The following FBXO4 variants were observed in gnomAD, a reference collection of about 807,000 sequenced individuals.
FBXO4 encodes F-box only protein 4.
A neutral mutation model predicts 43.7 loss-of-function variants in FBXO4; 36 were observed. The ratio of observed to expected loss-of-function variants is 0.82; its 90% CI spans 0.63 to 1.09. The LOEUF is 1.09. Among genes scored for constraint, FBXO4 ranks in the 50% least tolerant of loss-of-function variants. The probability of loss-of-function intolerance (pLI) is 0.00; values close to 1 mark genes in which losing one functional copy is unlikely to be tolerated. For missense variants in FBXO4, 435 were observed against 474.1 expected, an observed-to-expected ratio of 0.92 and a Z score of 0.77; for synonymous variants, 180 against 165.6, an observed-to-expected ratio of 1.09 and a Z score of -0.67.
At chr5:41,935,282 A>G (rs1751820151) in intron 5 of FBXO4, among the ~76,000 whole-genome samples, 1 of 152,194 alleles carries the variant, frequency 6.6e-6, no homozygotes, top group Non-Finnish European at 1.5e-5. Context: ...GCTTTTTCCC[A>G]CTGGCCTCTA....
chr5:42,003,416 G>A, the FBXO4 span, among the ~76,000 whole-genome samples: 1 of 152,170 alleles, frequency 6.6e-6, no homozygotes, highest in Non-Finnish European at 1.5e-5. Context: ...TTTCAGAAGA[G>A]GAATTGAATG....
In FBXO4 at chr5:41,925,433, A is replaced by G; in HGVS notation, c.124A>G (p.Arg42Gly). The G allele has an allele frequency of 7.3e-7, 1 of 1,372,484 alleles. No individual in the cohort carries two copies. Among genetic ancestry groups the G allele is most frequent in the South Asian group, 1.7e-5 (1 of 58,392 alleles). 85.0% of individuals were successfully genotyped at this position (1,372,484 alleles called of 1,614,324 possible). A position where few individuals can be genotyped will look rare whatever the true frequency, so the allele number is the denominator to read the frequency against. Reference sequence around the variant, plus strand: ...CTTCTGGCAGTCAGTGAGCAAGGAGAGGGTGGCGCGTACGACCTCACGGGA... The same window carrying G: ...CTTCTGGCAGTCAGTGAGCAAGGAGGGGGTGGCGCGTACGACCTCACGGGA... The part of the protein sequence containing the change: ...KTFWQSVSKE[R>G]VARTTSREEV... Residue 42 changes from arginine (R) to glycine (G), a missense_variant, in exon 1 of 7, where the codon AGG becomes GGG. Transcript: ENST00000281623.
At chr5:42,006,091 G>C in the FBXO4 span, among the ~76,000 whole-genome samples, 5 of 152,012 alleles carry the variant, frequency 3.3e-5, no homozygotes, top group African/African-American at 1.2e-4. Context: ...TATTTTTGAG[G>C]TGCACAGATA....
the FBXO4 span, among the ~76,000 whole-genome samples, chr5:42,025,155 T>A: frequency 1.3e-5 from 2 of 152,044 alleles, no homozygotes; most frequent in Admixed American, 6.6e-5. Flanking sequence ...GTGGTTGTAC[T>A]AATTTACATT....
At chr5:41,930,024 A>G (rs1040785147) in intron 3 of FBXO4, 107 bp downstream of exon 3, 1 of 940,112 alleles carries the variant, frequency 1.1e-6, no homozygotes, top group Non-Finnish European at 1.6e-6. Context: ...AATGAAGTAC[A>G]GTACTTTGGT....
chr5:42,029,637 T>C, the FBXO4 span, among the ~76,000 whole-genome samples: 2 of 151,940 alleles, frequency 1.3e-5, no homozygotes, highest in Non-Finnish European at 2.9e-5. Context: ...TTTTATTTAT[T>C]TTTTTATTTT....
the FBXO4 span, among the ~76,000 whole-genome samples, chr5:41,982,298 A>G: frequency 5.3e-5 from 8 of 152,094 alleles, no homozygotes; most frequent in African/African-American, 1.9e-4. Flanking sequence ...TGGTATTTCT[A>G]GTTCTAGATC....
the FBXO4 span, among the ~76,000 whole-genome samples, chr5:41,986,343 A>C: frequency 1.1e-4 from 17 of 152,090 alleles, no homozygotes; most frequent in African/African-American, 4.1e-4. Context: ...AGGAAAAAAA[A>C]CAAATCCAAG....
chr5:42,040,393 T>C, the FBXO4 span, among the ~76,000 whole-genome samples: 5 of 152,130 alleles, frequency 3.3e-5, no homozygotes, highest in Non-Finnish European at 4.4e-5. Flanking sequence ...ATGTATTTGT[T>C]CAACAAATGA....
chr5:42,001,924 T>G, the FBXO4 span, among the ~76,000 whole-genome samples: 1 of 152,158 alleles, frequency 6.6e-6, no homozygotes. Flanking sequence ...CTTGACCTCC[T>G]GACCTTGGGC....
the FBXO4 span, among the ~76,000 whole-genome samples, chr5:41,960,276 T>C: frequency 2.0e-5 from 3 of 152,102 alleles, no homozygotes; most frequent in Non-Finnish European, 4.4e-5. Flanking sequence ...TAGGGTTTTC[T>C]ATATATAATG....
chr5:41,996,362 C>T, the FBXO4 span, among the ~76,000 whole-genome samples: 1 of 152,128 alleles, frequency 6.6e-6, no homozygotes, highest in East Asian at 1.9e-4. Context: ...AGTAACAGGC[C>T]AAGAGCTGTC....
chr5:41,946,079 A>C (rs1752073160), downstream of FBXO4, among the ~76,000 whole-genome samples: 1 of 152,090 alleles, frequency 6.6e-6, no homozygotes, highest in Non-Finnish European at 1.5e-5. Flanking sequence ...TAACCTACCC[A>C]CGCCCTCACT....
chr5:41,931,463 C>T (rs961866427), intron 3 of FBXO4, among the ~76,000 whole-genome samples: 1 of 152,162 alleles, frequency 6.6e-6, no homozygotes, highest in Non-Finnish European at 1.5e-5. Context: ...AGAATGGCAG[C>T]TATTCTTTGG....
chr5:42,010,438 G>A, the FBXO4 span, among the ~76,000 whole-genome samples: 1 of 151,638 alleles, frequency 6.6e-6, no homozygotes, highest in Non-Finnish European at 1.5e-5. Context: ...AACCTGGGCA[G>A]CAGAGGTTGT....
At chr5:42,024,321 A>G in the FBXO4 span, among the ~76,000 whole-genome samples, 1 of 152,102 alleles carries the variant, frequency 6.6e-6, no homozygotes, top group Non-Finnish European at 1.5e-5. Context: ...ATAATGATAA[A>G]CACATTATAA....
At chr5:42,039,941 T>C in the FBXO4 span, among the ~76,000 whole-genome samples, 1 of 152,008 alleles carries the variant, frequency 6.6e-6, no homozygotes, top group African/African-American at 2.4e-5. Context: ...AGTTCCACAG[T>C]TGGGAGGAAA....
chr5:42,003,875 G>C, the FBXO4 span, among the ~76,000 whole-genome samples: 1 of 152,022 alleles, frequency 6.6e-6, no homozygotes, highest in African/African-American at 2.4e-5. Context: ...CCATTACTGG[G>C]TATATACCCA....
chr5:41,957,427 C>T, the FBXO4 span, among the ~76,000 whole-genome samples: 13 of 147,060 alleles, frequency 8.8e-5, no homozygotes, highest in South Asian at 4.2e-4. Context: ...TTATATAATA[C>T]GATTTCTATA....
Sources: gnomAD v4.1 joint callset for allele counts (sites outside exome capture counted in the v4.1 genomes callset) on GRCh38, gnomAD v4.1.1 for gene constraint, MANE v1.5 for transcripts, NCBI Gene and HGNC (gene_info 2026-07-23, HGNC 2026-07-21) for gene names.